Variants in EHF observed in about 807,000 individuals in gnomAD.
The protein encoded by EHF is ESE3 transcription factor.
In EHF, 14 loss-of-function variants were observed where a neutral mutation model predicts 45.1. The ratio of observed to expected loss-of-function variants is 0.31; its 90% CI spans 0.21 to 0.49. EHF has a LOEUF of 0.49. Among genes scored for constraint, EHF ranks in the 20% least tolerant of loss-of-function variants. The probability of loss-of-function intolerance (pLI) is 0.99; values close to 1 mark genes in which losing one functional copy is unlikely to be tolerated. For missense variants in EHF, 282 were observed against 371.4 expected, an observed-to-expected ratio of 0.76 and a Z score of 1.98; for synonymous variants, 136 against 131.8, an observed-to-expected ratio of 1.03 and a Z score of -0.22.
chr11:34,657,102 G>A lies in EHF; in HGVS notation c.607+132G>A, dbSNP rs1855746270. 3 of 1,052,848 alleles carry A rather than the reference G, an allele frequency of 2.8e-6. No individual in the cohort carries two copies. In the South Asian group the frequency reaches 4.7e-5, roughly 16 times the overall value. 65.2% of individuals were successfully genotyped at this position (1,052,848 alleles called of 1,614,324 possible). On this transcript the variant is annotated intron_variant, in intron 7 of 8. Coordinates refer to ENST00000257831, the MANE Select transcript of EHF (RefSeq NM_012153.6). ...GTCTTCATCCCAAACAGGGTGGAGT[G>A]AGAAAATAGAGGCATCACTTGCTAG...
intron 1 of EHF, 93 bp from the exon 2 acceptor site, chr11:34,642,535 T>A: frequency 1.2e-6 from 1 of 808,452 alleles, no homozygotes; most frequent in Non-Finnish European, 2.1e-6. Context: ...AAATTCTCTT[T>A]ATTTTCTTCC....
intron 1 of EHF, among the ~76,000 whole-genome samples, chr11:34,630,152 T>TG (rs1852745381): frequency 6.6e-6 from 1 of 152,190 alleles, no homozygotes; most frequent in Non-Finnish European, 1.5e-5. Context: ...AACTTTGAAA[T>TG]TAAAAGTATA....
chr11:34,636,826 A>C (rs1453163925), intron 1 of EHF, among the ~76,000 whole-genome samples: 1 of 152,164 alleles, frequency 6.6e-6, no homozygotes, highest in Non-Finnish European at 1.5e-5. Flanking sequence ...TGAGGTCAGG[A>C]GTTCGAGACC....
At position 34,646,421 on chromosome 11, in the gene EHF, C is replaced by T. The variant is rs760774467; in HGVS notation, c.98-18C>T. 6.2e-7 allele frequency: 1 copy of T among 1,613,418 alleles called. No homozygotes were observed. The highest frequency in any genetic ancestry group is 1.7e-5 in the Admixed American group (1 of 60,010). The stretch of plus-strand genomic sequence containing the variant: ...GAACAGCCAGGGGTCACTCATGAGG[C>T]TGCTTCCTGTTTTGCAGTTTCCAGT... On this transcript the variant is annotated intron_variant, in intron 2 of 8. Coordinates refer to ENST00000257831, the MANE Select transcript of EHF (RefSeq NM_012153.6).
intron 2 of EHF, among the ~76,000 whole-genome samples, chr11:34,646,066 G>A (rs1347736455): frequency 7.5e-6 from 1 of 133,014 alleles, no homozygotes; most frequent in Non-Finnish European, 1.6e-5. Flanking sequence ...GTGTGTGTGT[G>A]TATGTATAAG....
At chr11:34,638,607 GGAGGGGGTGCTGC>G (rs977588447) in intron 1 of EHF, among the ~76,000 whole-genome samples, 30 of 152,282 alleles carry the variant, frequency 2.0e-4, no homozygotes, top group Admixed American at 8.5e-4. Flanking sequence ...TGGTGTGTGT[GGAGGGGGTGCTGC>G]TGGCATCTAG....
chr11:34,624,289 C>T (rs1221852927), intron 1 of EHF: 12 of 985,200 alleles, frequency 1.2e-5, no homozygotes, highest in African/African-American at 1.7e-5. Flanking sequence ...ACTGGGAAAC[C>T]GAACGCGGCG....
chr11:34,632,608 A>G (rs1475779758), intron 1 of EHF: 1 of 1,535,450 alleles, frequency 6.5e-7, no homozygotes, highest in African/African-American at 1.4e-5. Context: ...GCCGGAGAGA[A>G]GAGGATTGGT....
chr11:34,636,430 G>A (rs919883645), intron 1 of EHF, among the ~76,000 whole-genome samples: 5 of 152,216 alleles, frequency 3.3e-5, no homozygotes, highest in African/African-American at 1.2e-4. Context: ...CCTACCACAA[G>A]GATGTCCCCA....
At chr11:34,635,433 C>G (rs1421733605) in intron 1 of EHF, among the ~76,000 whole-genome samples, 1 of 147,318 alleles carries the variant, frequency 6.8e-6, no homozygotes, top group Admixed American at 7.0e-5. Flanking sequence ...GCCCTAGCCC[C>G]AATCCGAAAC....
At chr11:34,636,873 T>C (rs1040349646) in intron 1 of EHF, among the ~76,000 whole-genome samples, 2 of 151,918 alleles carry the variant, frequency 1.3e-5, no homozygotes, top group Non-Finnish European at 2.9e-5. Flanking sequence ...CTACTAAAAA[T>C]ACAAAATTAG....
chr11:34,652,346 C>G (rs1419862723), intron 6 of EHF, among the ~76,000 whole-genome samples: 15 of 152,196 alleles, frequency 9.9e-5, no homozygotes, highest in Admixed American at 9.8e-4. Context: ...TCTAATCAGT[C>G]AGAGCACCTG....
intron 1 of EHF, among the ~76,000 whole-genome samples, chr11:34,637,976 G>A (rs887683844): frequency 6.7e-5 from 10 of 150,088 alleles, no homozygotes; most frequent in South Asian, 4.2e-4. Context: ...AGCTCGGCTC[G>A]CTGCAACCTC....
intron 1 of EHF, among the ~76,000 whole-genome samples, chr11:34,627,479 C>T (rs192719095): frequency 3.7e-4 from 57 of 152,208 alleles, no homozygotes; most frequent in African/African-American, 1.3e-3. Context: ...TTGATCATGT[C>T]TCCAGATGTC....
rs112960876 is a variant in EHF, at chr11:34,651,898, G to C, written c.544+93G>C. 6.8e-4 allele frequency: 861 copies of C among 1,268,138 alleles called. 9 individuals are homozygous for C. In the African/African-American group the frequency reaches 0.011, roughly 17 times the overall value. 78.6% of individuals were successfully genotyped at this position (1,268,138 alleles called of 1,614,324 possible). ...CACTCTACATTTCTGCCTTTCTGGAGTCTTTCTAATTAAAGGGCTAGGAAA... is the reference window on the plus strand; with the variant it reads ...CACTCTACATTTCTGCCTTTCTGGACTCTTTCTAATTAAAGGGCTAGGAAA... On this transcript the variant is annotated intron_variant, in intron 6 of 8. Transcript: ENST00000257831.
intron 1 of EHF, among the ~76,000 whole-genome samples, chr11:34,640,351 G>GA (rs1268878553): frequency 2.6e-5 from 4 of 152,220 alleles, no homozygotes; most frequent in Non-Finnish European, 1.5e-5. Context: ...AAATCCTTGT[G>GA]AAAGAATTTG....
chr11:34,633,873 A>G (rs994337275), intron 1 of EHF, among the ~76,000 whole-genome samples: 1 of 152,146 alleles, frequency 6.6e-6, no homozygotes, highest in South Asian at 2.1e-4. Flanking sequence ...AAGACTGATA[A>G]AGATCAGCAT....
At chr11:34,631,459 G>T in intron 1 of EHF, 1 of 557,132 alleles carries the variant, frequency 1.8e-6, no homozygotes, top group Non-Finnish European at 2.3e-6. Context: ...GGCCCTTTTT[G>T]GACTTAGCTT....
Position 34,659,567 on chromosome 11 carries a change from T to A in EHF, c.*636T>A, listed in dbSNP as rs1855958024. On this transcript the variant is annotated 3_prime_UTR_variant, in exon 9 of 9. Coordinates refer to ENST00000257831, the MANE Select transcript of EHF (RefSeq NM_012153.6). ...ATCAGCAAGAAGAATAATGGTGGGG[T>A]CTTTATACTCATTCAGGAATGGTTT... 1 of 152,052 alleles carries A rather than the reference T, an allele frequency of 6.6e-6. No individual in the cohort carries two copies. Among genetic ancestry groups the A allele is most frequent in the Non-Finnish European group, 1.5e-5 (1 of 68,042 alleles). The allele number at this position is 152,052 out of a possible 1,614,324, so 9.4% of individuals were successfully genotyped here. A position where few individuals can be genotyped will look rare whatever the true frequency, so the allele number is the denominator to read the frequency against.
Sources: gnomAD v4.1 joint callset for allele counts (sites outside exome capture counted in the v4.1 genomes callset) on GRCh38, gnomAD v4.1.1 for gene constraint, MANE v1.5 for transcripts, NCBI Gene and HGNC (gene_info 2026-07-23, HGNC 2026-07-21) for gene names.